Variants in PRKCA observed in about 807,000 individuals in gnomAD.
PRKCA encodes the protein protein kinase C alpha type.
A neutral mutation model predicts 87.0 loss-of-function variants in PRKCA; 27 were observed. That is an observed-to-expected ratio of 0.31 (90% CI 0.23 to 0.43). PRKCA has a LOEUF of 0.43. Among genes scored for constraint, PRKCA ranks in the 20% least tolerant of loss-of-function variants. The pLI is 1.00. For synonymous variants in PRKCA, 329 were observed against 311.1 expected (o/e 1.06, Z -0.61); for missense variants, 518 against 852.3 (o/e 0.61, Z 4.88).
chr17:66,420,498 A>G (rs1182699437), intron 2 of PRKCA, among the ~76,000 whole-genome samples: 2 of 152,092 alleles, frequency 1.3e-5, no homozygotes, highest in Non-Finnish European at 2.9e-5. Flanking sequence ...TCTGTTTTTC[A>G]TTTTTCAGCA....
At chr17:66,591,178 G>T (rs1323187620) in intron 3 of PRKCA, among the ~76,000 whole-genome samples, 1 of 152,120 alleles carries the variant, frequency 6.6e-6, no homozygotes, top group Non-Finnish European at 1.5e-5. Context: ...TTAAAGACAG[G>T]GTCTTGCCCT....
intron 3 of PRKCA, among the ~76,000 whole-genome samples, chr17:66,584,764 C>A (rs1251456813): frequency 6.6e-6 from 1 of 152,170 alleles, no homozygotes; most frequent in Non-Finnish European, 1.5e-5. Context: ...TCCCCTTCGT[C>A]TTTCTGAGGA....
chr17:66,555,756 A>G (rs1968474763), intron 3 of PRKCA, among the ~76,000 whole-genome samples: 1 of 152,116 alleles, frequency 6.6e-6, no homozygotes, highest in South Asian at 2.1e-4. Context: ...TGAGACTTCT[A>G]TTATGAACTA....
chr17:66,589,740 G>T (rs1969738780), intron 3 of PRKCA, among the ~76,000 whole-genome samples: 1 of 152,212 alleles, frequency 6.6e-6, no homozygotes, highest in African/African-American at 2.4e-5. Context: ...AAGATGATAA[G>T]ATGATCTCAC....
chr17:66,746,154 CTTTTTTTTTTTTT>C (rs56319847), intron 13 of PRKCA, among the ~76,000 whole-genome samples: 1 of 64,232 alleles, frequency 1.6e-5, no homozygotes, highest in South Asian at 5.6e-4. Flanking sequence ...TGTTGCCTTG[CTTTTTTTTTTTTT>C]TTTTTTTTTT....
At chr17:66,802,671 G>A (rs1253023110) in intron 16 of PRKCA, among the ~76,000 whole-genome samples, 2 of 152,206 alleles carry the variant, frequency 1.3e-5, no homozygotes, top group East Asian at 1.9e-4. Flanking sequence ...GCTGGGTTCT[G>A]TGCAAAACCC....
At chr17:66,493,094 C>G (rs184317614) in intron 2 of PRKCA, among the ~76,000 whole-genome samples, 210 of 152,260 alleles carry the variant, frequency 1.4e-3, no homozygotes, top group Admixed American at 2.6e-3. Flanking sequence ...CATGCATTTT[C>G]TTTTTTAAAA....
chr17:66,357,423 G>C (rs1005236198), intron 2 of PRKCA, among the ~76,000 whole-genome samples: 4 of 152,172 alleles, frequency 2.6e-5, no homozygotes, highest in Admixed American at 2.0e-4. Context: ...GGCAGCAGAG[G>C]CATAAGCAAA....
At chr17:66,449,201 A>G (rs549828520) in intron 2 of PRKCA, among the ~76,000 whole-genome samples, 84 of 152,182 alleles carry the variant, frequency 5.5e-4, no homozygotes, top group Non-Finnish European at 7.4e-5. Flanking sequence ...AGCTGGGAGG[A>G]TTGCTTGAGC....
In PRKCA at chr17:66,551,789, G is replaced by A. The variant is rs140608690; in HGVS notation, c.288+55506G>A. ...AGAATCCTAATTTATATATATATATGAGAGAGAGAGGGGGGAATTATCTTT... is the reference window on the plus strand; with the variant it reads ...AGAATCCTAATTTATATATATATATAAGAGAGAGAGGGGGGAATTATCTTT... On this transcript the variant is annotated intron_variant, in intron 3 of 16. Coordinates refer to ENST00000413366, the MANE Select transcript of PRKCA (RefSeq NM_002737.3). Among the ~76,000 whole-genome samples the A allele has an allele frequency of 7.6e-3, 1,127 of 148,506 alleles. 12 individuals are homozygous for A. The highest frequency in any genetic ancestry group is 0.026 in the African/African-American group (1,080 of 40,938).
At chr17:66,524,254 G>A (rs1967267683) in intron 3 of PRKCA, among the ~76,000 whole-genome samples, 1 of 152,198 alleles carries the variant, frequency 6.6e-6, no homozygotes, top group Non-Finnish European at 1.5e-5. Context: ...ATTGTTCAGT[G>A]GAAGACTGTG....
intron 2 of PRKCA, chr17:66,340,056 G>T (rs16959065): frequency 0.044 from 6,641 of 152,290 alleles, 170 homozygotes; most frequent in African/African-American, 0.058. Context: ...AGGCTTAACA[G>T]TAAGGACCAT....
intron 2 of PRKCA, among the ~76,000 whole-genome samples, chr17:66,395,362 G>A (rs1036244966): frequency 3.9e-5 from 6 of 152,068 alleles, no homozygotes; most frequent in Non-Finnish European, 7.4e-5. Flanking sequence ...ACTTATAACC[G>A]GTATGTTCAT....
At chr17:66,466,377 G>A (rs3848427) in intron 2 of PRKCA, among the ~76,000 whole-genome samples, 2 of 152,054 alleles carry the variant, frequency 1.3e-5, no homozygotes, top group African/African-American at 2.4e-5. Flanking sequence ...GGAGCCCTGC[G>A]TTTGAGGCCA....
intron 3 of PRKCA, among the ~76,000 whole-genome samples, chr17:66,618,356 A>G (rs2143678783): frequency 1.4e-5 from 2 of 145,158 alleles, no homozygotes; most frequent in South Asian, 2.1e-4. Context: ...CCTATCGCAA[A>G]AAAAAAAAAA....
chr17:66,531,006 G>A (rs1047746784), intron 3 of PRKCA, among the ~76,000 whole-genome samples: 3 of 152,288 alleles, frequency 2.0e-5, no homozygotes, highest in African/African-American at 4.8e-5. Flanking sequence ...AAGGGCCCAC[G>A]TTGTGTCTTC....
chr17:66,727,196 A>T (rs1229674610), intron 8 of PRKCA, among the ~76,000 whole-genome samples: 3 of 78,778 alleles, frequency 3.8e-5, no homozygotes, highest in Non-Finnish European at 7.9e-5. Context: ...TGAGTCAGAA[A>T]ATAGTGAAAA....
At chr17:66,739,544 A>G (rs1261018215) in intron 11 of PRKCA, among the ~76,000 whole-genome samples, 1 of 152,164 alleles carries the variant, frequency 6.6e-6, no homozygotes, top group African/African-American at 2.4e-5. Context: ...CTAACAATTA[A>G]TAGTGCGTTG....
chr17:66,772,982 T>C (rs1431416965), intron 13 of PRKCA, among the ~76,000 whole-genome samples: 1 of 152,182 alleles, frequency 6.6e-6, no homozygotes, highest in African/African-American at 2.4e-5. Flanking sequence ...AAGCACACTT[T>C]AAAAATGTTT....
Sources: gnomAD v4.1 joint callset for allele counts (sites outside exome capture counted in the v4.1 genomes callset) on GRCh38, gnomAD v4.1.1 for gene constraint, MANE v1.5 for transcripts, NCBI Gene and HGNC (gene_info 2026-07-23, HGNC 2026-07-21) for gene names.